KIAA1217: variants seen among roughly 807,000 people sequenced by gnomAD.
The protein encoded by KIAA1217 is sickle tail protein homolog.
In KIAA1217, 88 loss-of-function variants were observed where a neutral mutation model predicts 163.9. The ratio of observed to expected loss-of-function variants is 0.54; its 90% confidence interval spans 0.45 to 0.64. The LOEUF is 0.64. Ranked by LOEUF, KIAA1217 falls within the 30% of genes least tolerant of loss-of-function variation. The pLI, the probability that KIAA1217 is intolerant of heterozygous loss-of-function variation, is 0.00. For synonymous variants in KIAA1217, 903 were observed against 923.1 expected, an observed-to-expected ratio of 0.98 and a Z score of 0.39; for missense variants, 2,372 against 2,475.0, an observed-to-expected ratio of 0.96 and a Z score of 0.88.
chr10:23,853,514 T>C (rs1450529083), intron 1 of KIAA1217, among the ~76,000 whole-genome samples: 1 of 152,232 alleles, frequency 6.6e-6, no homozygotes, highest in Non-Finnish European at 1.5e-5. Flanking sequence ...GGTATCAGGA[T>C]GATGCTGGCC....
chr10:23,787,098 T>C (rs1402910188), intron 1 of KIAA1217, among the ~76,000 whole-genome samples: 1 of 152,192 alleles, frequency 6.6e-6, no homozygotes. Flanking sequence ...CACAAGATAG[T>C]AAAAATGCGA....
chr10:24,174,939 C>A (rs2065799571), intron 2 of KIAA1217, among the ~76,000 whole-genome samples: 1 of 152,088 alleles, frequency 6.6e-6, no homozygotes, highest in Non-Finnish European at 1.5e-5. Flanking sequence ...CTCACTGCAA[C>A]CTCTGCCTCC....
At chr10:24,385,045 C>T (rs1050632432) in intron 3 of KIAA1217, among the ~76,000 whole-genome samples, 11 of 152,204 alleles carry the variant, frequency 7.2e-5, no homozygotes, top group African/African-American at 2.7e-4. Flanking sequence ...AGTTCCCGGC[C>T]TGTACACTGG....
intron 5 of KIAA1217, among the ~76,000 whole-genome samples, chr10:24,441,559 C>T (rs545794938): frequency 3.3e-5 from 5 of 152,194 alleles, no homozygotes; most frequent in African/African-American, 1.2e-4. Context: ...GTGGGGAAAA[C>T]GTGTACTAAA....
chr10:23,943,946 C>T (rs1843896880), intron 1 of KIAA1217, among the ~76,000 whole-genome samples: 1 of 151,992 alleles, frequency 6.6e-6, no homozygotes, highest in Non-Finnish European at 1.5e-5. Flanking sequence ...TGGGTGGACC[C>T]AAAAATAAAA....
At chr10:24,071,488 G>A (rs1330953204) in intron 2 of KIAA1217, among the ~76,000 whole-genome samples, 1 of 151,916 alleles carries the variant, frequency 6.6e-6, no homozygotes, top group African/African-American at 2.4e-5. Flanking sequence ...AGAGAATAGG[G>A]TTAATTTAAA....
At chr10:24,169,743 T>G (rs1589755936) in intron 2 of KIAA1217, among the ~76,000 whole-genome samples, 1 of 152,128 alleles carries the variant, frequency 6.6e-6, no homozygotes, top group African/African-American at 2.4e-5. Flanking sequence ...AGGGTGCTTC[T>G]CTTAGACAAA....
rs531141304 is a variant in KIAA1217, at chr10:24,231,950, C to T, written c.354+12041C>T. On this transcript the variant is annotated intron_variant, in intron 2 of 20. Coordinates refer to ENST00000376454, the MANE Select transcript of KIAA1217 (RefSeq NM_019590.5). Reference sequence around the variant, plus strand: ...CTGGGACTACAGGCATGTGCCACCACGCCTGAGTAATCTTTGTATTCTTAG... The same window carrying T: ...CTGGGACTACAGGCATGTGCCACCATGCCTGAGTAATCTTTGTATTCTTAG... Among the ~76,000 whole-genome samples the T allele has an allele frequency of 2.3e-4, 35 of 152,198 alleles. No homozygotes were observed. The East Asian group carries it at 3.7e-3, about 16-fold the overall frequency.
At chr10:24,130,107 G>C (rs974497377) in intron 2 of KIAA1217, among the ~76,000 whole-genome samples, 5 of 152,008 alleles carry the variant, frequency 3.3e-5, no homozygotes, top group African/African-American at 1.2e-4. Context: ...TCCTCCTTCA[G>C]TGTACAAGTT....
intron 1 of KIAA1217, among the ~76,000 whole-genome samples, chr10:23,833,578 CA>C (rs1285524139): frequency 2.0e-5 from 3 of 151,670 alleles, no homozygotes; most frequent in African/African-American, 7.3e-5. Context: ...TGAAAAAATA[CA>C]GTCTAACATC....
chr10:24,272,794 C>G (rs1329528151), intron 2 of KIAA1217, among the ~76,000 whole-genome samples: 1 of 152,046 alleles, frequency 6.6e-6, no homozygotes, highest in Non-Finnish European at 1.5e-5. Flanking sequence ...GGTTTTTTTC[C>G]CCTTATGAGT....
At position 24,531,852 on chromosome 10, in the gene KIAA1217, G is replaced by A. The variant is rs141174320; in HGVS notation, c.3105G>A (p.Gln1035=). ...CAGAAGATTCTCCAAATTCGGAACAGGACTTGGAAAAGCTGGGGGGAAAGT... is the reference window on the plus strand; with the variant it reads ...CAGAAGATTCTCCAAATTCGGAACAAGACTTGGAAAAGCTGGGGGGAAAGT... The part of the protein sequence containing the change: ...ELSEDSPNSE[Q]DLEKLGGKSP... The change falls in exon 15 of 21, where the codon CAG becomes CAA. Residue 1035 remains glutamine (Q), a synonymous_variant. Transcript: ENST00000376454. 67 of 1,603,774 alleles carry A rather than the reference G, an allele frequency of 4.2e-5. No individual in the cohort carries two copies. The highest frequency in any genetic ancestry group is 5.4e-5 in the African/African-American group (4 of 74,596).
intron 1 of KIAA1217, among the ~76,000 whole-genome samples, chr10:23,737,511 G>C (rs1365663020): frequency 6.6e-6 from 1 of 152,066 alleles, no homozygotes; most frequent in Admixed American, 6.6e-5. Context: ...CGTTTTAATA[G>C]AAGTTTAGTC....
At chr10:23,986,665 C>T (rs919378976) in intron 1 of KIAA1217, among the ~76,000 whole-genome samples, 1 of 152,140 alleles carries the variant, frequency 6.6e-6, no homozygotes, top group African/African-American at 2.4e-5. Context: ...AACTCTATGT[C>T]ATGTCGCAAA....
chr10:24,256,882 A>T (rs1486971700), intron 2 of KIAA1217, among the ~76,000 whole-genome samples: 1 of 152,180 alleles, frequency 6.6e-6, no homozygotes, highest in African/African-American at 2.4e-5. Flanking sequence ...AATAACAACA[A>T]AGTGGGACGC....
At chr10:23,903,211 T>C (rs1247547525) in intron 1 of KIAA1217, among the ~76,000 whole-genome samples, 1 of 152,136 alleles carries the variant, frequency 6.6e-6, no homozygotes, top group Non-Finnish European at 1.5e-5. Flanking sequence ...CCATTTTTGG[T>C]ATTTCTTTAA....
chr10:24,317,226 A>G (rs1321039836), intron 2 of KIAA1217, among the ~76,000 whole-genome samples: 2 of 152,156 alleles, frequency 1.3e-5, no homozygotes, highest in Non-Finnish European at 2.9e-5. Context: ...TACATAAATA[A>G]ACCCATCATT....
At chr10:24,507,132 G>C (rs550151234) in intron 9 of KIAA1217, among the ~76,000 whole-genome samples, 135 of 152,300 alleles carry the variant, frequency 8.9e-4, no homozygotes, top group Non-Finnish European at 1.7e-3. Flanking sequence ...CCAGAGGAAA[G>C]ACTACCCTTG....
At chr10:24,487,719 G>A (rs956973858) in intron 6 of KIAA1217, among the ~76,000 whole-genome samples, 2 of 152,190 alleles carry the variant, frequency 1.3e-5, no homozygotes, top group African/African-American at 4.8e-5. Context: ...TTTTAGATGA[G>A]CCCCTTTGTT....
Sources: allele counts gnomAD v4.1 joint callset (sites outside exome capture counted in the v4.1 genomes callset), GRCh38; gene constraint gnomAD v4.1.1; transcripts MANE v1.5; gene names NCBI Gene and HGNC (gene_info 2026-07-23, HGNC 2026-07-21).